DDX60: variants seen among roughly 807,000 people sequenced by gnomAD.
The protein encoded by DDX60 is probable ATP-dependent RNA helicase DDX60.
DDX60 carries 165 observed loss-of-function variants against 212.8 expected under a neutral mutation model. The ratio of observed to expected loss-of-function variants is 0.78; its 90% CI spans 0.68 to 0.88. The LOEUF is 0.88. Ranked by LOEUF, DDX60 falls within the 40% of genes least tolerant of loss-of-function variation. The pLI, the probability that DDX60 is intolerant of heterozygous loss-of-function variation, is 0.00. For missense variants in DDX60, 1,905 were observed against 2,003.9 expected, an observed-to-expected ratio of 0.95 and a Z score of 0.94; for synonymous variants, 703 against 685.3, an observed-to-expected ratio of 1.03 and a Z score of -0.40.
intron 34 of DDX60, among the ~76,000 whole-genome samples, chr4:168,224,685 A>G (rs1297146917): frequency 6.6e-6 from 1 of 152,052 alleles, no homozygotes; most frequent in Admixed American, 6.6e-5. Context: ...TCAGAGAATT[A>G]TTGTTATTAC....
intron 26 of DDX60, among the ~76,000 whole-genome samples, chr4:168,253,353 T>C (rs563999109): frequency 6.6e-6 from 1 of 152,258 alleles, no homozygotes; most frequent in South Asian, 2.1e-4. Context: ...GCATTCTCCT[T>C]GCTCCACATT....
Position 168,283,481 on chromosome 4 carries a change from T to G in DDX60, c.1687A>C (p.Lys563Gln), listed in dbSNP as rs138221736. The change falls in exon 13 of 38, where the codon AAG becomes CAG. Residue 563 changes from lysine (K) to glutamine (Q), a missense_variant. Transcript: ENST00000393743. ...TTGCTCTTGGGCCCACTAAAATCCT[T>G]CTTTGACTTAATAGTTTGAGTCACG... ...IIVTQTIKSKKDFSGPKSKKA... is the reference protein window; with the variant it reads ...IIVTQTIKSKQDFSGPKSKKA... 8.9e-5 allele frequency: 144 copies of G among 1,613,414 alleles called. No individual in the cohort carries two copies. Among genetic ancestry groups the G allele is most frequent in the Non-Finnish European group, 1.2e-4 (136 of 1,179,692 alleles).
rs1326449098 is a variant in DDX60, at chr4:168,318,676, G to A, written c.-161C>T. ...ACCCGCGAGCTGCGCGCCCCGCGGGGAGGGAGTGAAACAGAGACCTAGCGC... is the reference window on the plus strand; with the variant it reads ...ACCCGCGAGCTGCGCGCCCCGCGGGAAGGGAGTGAAACAGAGACCTAGCGC... On this transcript the variant is annotated 5_prime_UTR_variant, in exon 1 of 38. Transcript: ENST00000393743. 6.6e-6 allele frequency: 1 copy of A among 152,416 alleles called. No individual in the cohort carries two copies. Among genetic ancestry groups the A allele is most frequent in the African/African-American group, 2.4e-5 (1 of 41,476 alleles). The allele number at this position is 152,416 out of a possible 1,614,324, so 9.4% of individuals were successfully genotyped here.
chr4:168,290,312 T>G (rs568987277), intron 8 of DDX60, among the ~76,000 whole-genome samples: 8 of 150,578 alleles, frequency 5.3e-5, no homozygotes, highest in Admixed American at 2.7e-4. Flanking sequence ...CATTTCTTTC[T>G]GTTTTCTTTT....
At chr4:168,221,357 T>C (rs1578962758) in intron 36 of DDX60, among the ~76,000 whole-genome samples, 1 of 152,172 alleles carries the variant, frequency 6.6e-6, no homozygotes, top group Admixed American at 6.6e-5. Flanking sequence ...CTATCTACTC[T>C]TCTCAAATAC....
Position 168,293,812 on chromosome 4 carries a change from G to C in DDX60, c.857C>G (p.Ser286Cys). The C allele has an allele frequency of 6.2e-7, 1 of 1,613,474 alleles. No individual in the cohort carries two copies. The highest frequency in any genetic ancestry group is 8.5e-7 in the Non-Finnish European group (1 of 1,179,744). ...HRFLGNREPSSGQETEIQQVN... is the reference protein window; with the variant it reads ...HRFLGNREPSCGQETEIQQVN... ...CTGTTGGATCTCAGTTTCCTGACCA[G>C]AGGAGGGCTCTCTGTTTCCTAAAAA... The change falls in exon 7 of 38, where the codon TCT becomes TGT. Residue 286 changes from serine (S) to cysteine (C), a missense_variant. Ser to Cys is a moderately radical substitution (Grantham distance 112). Transcript: ENST00000393743.
At chr4:168,275,582 A>G in intron 15 of DDX60, 79 bp from the exon 16 acceptor site, 1 of 1,228,368 alleles carries the variant, frequency 8.1e-7, no homozygotes, top group Non-Finnish European at 1.1e-6. Context: ...TTTATTACTG[A>G]GCACTTTCTA....
rs1734922866 is a variant in DDX60, at chr4:168,267,959, G to C, written c.2811C>G (p.Tyr937Ter). 6.2e-7 allele frequency: 1 copy of C among 1,612,028 alleles called. No homozygotes were observed. Residue 937 changes from tyrosine (Y) to a stop codon, truncating the protein, a stop_gained, in exon 21 of 38, where the codon TAC becomes TAG. Coordinates refer to ENST00000393743, the MANE Select transcript of DDX60 (RefSeq NM_017631.6). LOFTEE classifies it high-confidence loss of function. ...LTEWLQSVKW[Y>*]WKQEDKIIEN... ...CAATTATTTTGTCTTCTTGTTTCCA[G>C]TACCATTTTACCGATTGTAGCCACC... is the stretch of plus-strand genomic sequence containing the variant.
the DDX60 span, among the ~76,000 whole-genome samples, chr4:168,324,893 T>C: frequency 6.6e-6 from 1 of 152,202 alleles, no homozygotes; most frequent in Non-Finnish European, 1.5e-5. Flanking sequence ...AAAGACTGTG[T>C]GCAACAGAAG....
intron 23 of DDX60, 89 bp from the exon 24 acceptor site, chr4:168,262,217 A>C: frequency 7.1e-7 from 1 of 1,409,844 alleles, no homozygotes; most frequent in Non-Finnish European, 9.4e-7. Context: ...ACAGCCTTAC[A>C]AGTTTCTTGA....
rs1560853179 is a variant in DDX60 at position 168,280,446 on chromosome 4, G to A, written c.1867C>T (p.Leu623=). 1.2e-6 allele frequency: 2 copies of A among 1,613,998 alleles called. No individual in the cohort carries two copies. The highest frequency in any genetic ancestry group is 3.3e-5 in the Admixed American group (2 of 59,996). ...TTACAGGATTTCAAAAAATCTTCCA[G>A]GCTCTTTATTCCAGAGTGTAAATTT... is the stretch of plus-strand genomic sequence containing the variant. ...KENLHSGIKS[L]EDFLKSCKSS... The change falls in exon 14 of 38, where the codon CTG becomes TTG. Residue 623 remains leucine (L), a synonymous_variant. Transcript: ENST00000393743.
At chr4:168,266,348 C>T (rs1734848570) in intron 22 of DDX60, among the ~76,000 whole-genome samples, 1 of 152,138 alleles carries the variant, frequency 6.6e-6, no homozygotes, top group Non-Finnish European at 1.5e-5. Context: ...CTTTTATATA[C>T]ATAGCAATTT....
rs774461291 is a variant in DDX60, at chr4:168,225,684, C to A, written c.4534-8G>T. ...GAGATCATCAAGGAACACCTAGAAGCCGAATAATTTTCATAGAGATAGATC... is the reference window on the plus strand; with the variant it reads ...GAGATCATCAAGGAACACCTAGAAGACGAATAATTTTCATAGAGATAGATC... On this transcript the variant is annotated splice_polypyrimidine_tract_variant and splice_region_variant and intron_variant, in intron 33 of 37. Transcript: ENST00000393743. The A allele has an allele frequency of 2.5e-6, 4 of 1,606,856 alleles. No homozygotes were observed. Among genetic ancestry groups the A allele is most frequent in the Non-Finnish European group, 3.4e-6 (4 of 1,177,634 alleles).
At chr4:168,279,531 C>G (rs965675166) in intron 14 of DDX60, among the ~76,000 whole-genome samples, 1 of 152,180 alleles carries the variant, frequency 6.6e-6, no homozygotes, top group Non-Finnish European at 1.5e-5. Flanking sequence ...CAATAACACT[C>G]ACCAAAGATG....
chr4:168,308,110 T>C lies in DDX60; in HGVS notation c.160A>G (p.Ile54Val). Residue 54 changes from isoleucine (I) to valine (V), a missense_variant, in exon 4 of 38, where the codon ATA becomes GTA. Physicochemically the swap from Ile to Val is conservative, Grantham distance 29. Coordinates refer to ENST00000393743, the MANE Select transcript of DDX60 (RefSeq NM_017631.6). ...DSLLITCICEISFKPGQNLHF... is the reference protein window; with the variant it reads ...DSLLITCICEVSFKPGQNLHF... ...AGGTTCTGCCCAGGCTTAAATGATATCTCACAGATACATGTGATAAGTAAT... is the reference window on the plus strand; with the variant it reads ...AGGTTCTGCCCAGGCTTAAATGATACCTCACAGATACATGTGATAAGTAAT... 2 of 1,609,884 alleles carry C rather than the reference T, an allele frequency of 1.2e-6. No individual in the cohort carries two copies. The highest frequency in any genetic ancestry group is 1.7e-6 in the Non-Finnish European group (2 of 1,177,330).
chr4:168,246,789 C>G (rs1283463159), intron 29 of DDX60, among the ~76,000 whole-genome samples, 171 bp from the exon 30 acceptor site: 1 of 152,170 alleles, frequency 6.6e-6, no homozygotes, highest in Non-Finnish European at 1.5e-5. Context: ...TTTGCCATGA[C>G]TGAGATAGAT....
At chr4:168,257,791 A>G (rs1385191667) in intron 25 of DDX60, among the ~76,000 whole-genome samples, 2 of 152,210 alleles carry the variant, frequency 1.3e-5, no homozygotes, top group Non-Finnish European at 2.9e-5. Context: ...ATAACCCAAG[A>G]TGCACAGCTA....
chr4:168,230,813 A>C (rs1733423619), intron 33 of DDX60, among the ~76,000 whole-genome samples: 1 of 152,110 alleles, frequency 6.6e-6, no homozygotes, highest in Non-Finnish European at 1.5e-5. Context: ...ACCCAAACCC[A>C]GCAGAAGAAA....
At chr4:168,223,638 T>C (rs1423105926) in intron 35 of DDX60, among the ~76,000 whole-genome samples, 1 of 152,092 alleles carries the variant, frequency 6.6e-6, no homozygotes, top group African/African-American at 2.4e-5. Context: ...GATAAAAATG[T>C]ATGTGTTCAT....
Sources: allele counts gnomAD v4.1 joint callset (sites outside exome capture counted in the v4.1 genomes callset), GRCh38; gene constraint gnomAD v4.1.1; transcripts MANE v1.5; gene names NCBI Gene and HGNC (gene_info 2026-07-23, HGNC 2026-07-21).